The following TAFA2 variants were observed in gnomAD, a reference collection of about 807,000 sequenced individuals.
TAFA2 encodes chemokine-like protein TAFA-2.
A neutral mutation model predicts 18.8 loss-of-function variants in TAFA2; 7 were observed. That is an observed-to-expected ratio of 0.37 (90% CI 0.21 to 0.70). The LOEUF (loss-of-function observed/expected upper bound fraction) is 0.70, where lower values mean the gene tolerates loss of function less well. Among genes scored for constraint, TAFA2 ranks in the 30% least tolerant of loss-of-function variants. The pLI is 0.53. For synonymous variants in TAFA2, 60 were observed against 54.2 expected, an observed-to-expected ratio of 1.11 and a Z score of -0.47; for missense variants, 122 against 158.1, an observed-to-expected ratio of 0.77 and a Z score of 1.23.
At chr12:62,068,005 T>C (rs1245356644) in intron 1 of TAFA2, among the ~76,000 whole-genome samples, 2 of 151,812 alleles carry the variant, frequency 1.3e-5, no homozygotes, top group African/African-American at 2.4e-5. Context: ...AAAAGGAAAA[T>C]TCTTAGTGTC....
chr12:61,854,104 G>A (rs1444813352), intron 2 of TAFA2, among the ~76,000 whole-genome samples: 2 of 152,084 alleles, frequency 1.3e-5, no homozygotes, highest in Non-Finnish European at 2.9e-5. Flanking sequence ...ATTATTTGAG[G>A]AAAGCTTCTA....
In TAFA2 at chr12:61,754,950, G is replaced by A. The variant is rs373017782; in HGVS notation, c.181C>T (p.Arg61Trp). The A allele has an allele frequency of 8.1e-6, 13 of 1,612,868 alleles. No homozygotes were observed. Among genetic ancestry groups the A allele is most frequent in the East Asian group, 4.5e-5 (2 of 44,726 alleles). ...RCCNKNKIEERSQTVKCSCFP... is the reference protein window; with the variant it reads ...RCCNKNKIEEWSQTVKCSCFP... Reference sequence around the variant, plus strand: ...CAGGAGCACTTGACTGTTTGTGACCGTTCTTCTATCTTGTTCTTATTACAG... The same window carrying A: ...CAGGAGCACTTGACTGTTTGTGACCATTCTTCTATCTTGTTCTTATTACAG... The change falls in exon 3 of 5, where the codon CGG becomes TGG. Residue 61 changes from arginine (R) to tryptophan (W), a missense_variant. Arg to Trp is a moderately radical substitution (Grantham distance 101, BLOSUM62 -3). Around this residue, in one of 2 missense-constraint regions of TAFA2, gnomAD observed 60 missense variants for 102.7 expected, o/e 0.58. Coordinates refer to ENST00000416284, the MANE Select transcript of TAFA2 (RefSeq NM_178539.5).
intron 2 of TAFA2, among the ~76,000 whole-genome samples, chr12:61,784,297 T>C (rs536637565): frequency 6.6e-6 from 1 of 151,416 alleles, no homozygotes; most frequent in South Asian, 2.1e-4. Flanking sequence ...GTCTGAGAAG[T>C]TGTTTTATTG....
At chr12:61,794,130 A>C (rs903199770) in intron 2 of TAFA2, among the ~76,000 whole-genome samples, 7 of 151,912 alleles carry the variant, frequency 4.6e-5, no homozygotes, top group Non-Finnish European at 1.0e-4. Flanking sequence ...TTTTTTCTAA[A>C]ATCAGGAACA....
At chr12:62,152,399 C>T (rs1454644289) in intron 1 of TAFA2, among the ~76,000 whole-genome samples, 2 of 152,152 alleles carry the variant, frequency 1.3e-5, no homozygotes, top group Admixed American at 6.5e-5. Context: ...CCAAATGACA[C>T]CACGAAAATG....
chr12:61,848,330 A>C (rs1390370529), intron 2 of TAFA2, among the ~76,000 whole-genome samples: 2 of 152,222 alleles, frequency 1.3e-5, no homozygotes, highest in African/African-American at 4.8e-5. Context: ...ATTTTAAATA[A>C]TGTGCTCACT....
chr12:61,922,853 A>T (rs1196271408), intron 1 of TAFA2, among the ~76,000 whole-genome samples: 1 of 152,148 alleles, frequency 6.6e-6, no homozygotes, highest in Non-Finnish European at 1.5e-5. Context: ...CTGGCTTGAA[A>T]TTCTCGCTGC....
chr12:62,182,333 C>G (rs893942860), intron 1 of TAFA2, among the ~76,000 whole-genome samples: 9 of 152,116 alleles, frequency 5.9e-5, no homozygotes, highest in African/African-American at 1.7e-4. Flanking sequence ...TATGAAAGAG[C>G]CTATGAGAAA....
Position 62,082,904 on chromosome 12 carries a change from T to G in TAFA2, c.-2+108355A>C, listed in dbSNP as rs1334509216. Among the ~76,000 whole-genome samples, 10 of 152,344 alleles carry G rather than the reference T, an allele frequency of 6.6e-5. No homozygotes were observed. In the East Asian group the frequency reaches 1.9e-3, roughly 29 times the overall value. ...CACAAGATATACTATTAATCTGCATTGCTCTACAGTGATTTTTTTTCCATT... is the reference window on the plus strand; with the variant it reads ...CACAAGATATACTATTAATCTGCATGGCTCTACAGTGATTTTTTTTCCATT... On this transcript the variant is annotated intron_variant, in intron 1 of 4. Coordinates refer to ENST00000416284, the MANE Select transcript of TAFA2 (RefSeq NM_178539.5).
chr12:61,805,421 A>G (rs1871570426), intron 2 of TAFA2, among the ~76,000 whole-genome samples: 1 of 152,106 alleles, frequency 6.6e-6, no homozygotes, highest in Non-Finnish European at 1.5e-5. Flanking sequence ...ATCATGCCAT[A>G]CTATATTTAC....
intron 1 of TAFA2, among the ~76,000 whole-genome samples, chr12:62,106,919 G>A (rs1000339570): frequency 6.6e-6 from 1 of 151,934 alleles, no homozygotes; most frequent in Admixed American, 6.6e-5. Context: ...CACAGTCTTC[G>A]AAGAAATGAC....
At chr12:61,826,893 G>A (rs1051218324) in intron 2 of TAFA2, among the ~76,000 whole-genome samples, 1 of 151,888 alleles carries the variant, frequency 6.6e-6, no homozygotes, top group Non-Finnish European at 1.5e-5. Flanking sequence ...AATTTCTAGA[G>A]GCAATATTTC....
In TAFA2 at chr12:61,833,391, A is replaced by G. The variant is rs149489853; in HGVS notation, c.106+33929T>C. ...TAGAGTCAACTAACAAAGCCCCAAG[A>G]TCACTTATAGAGTAGCCCCAAACTA... On this transcript the variant is annotated intron_variant, in intron 2 of 4. Transcript: ENST00000416284. Among the ~76,000 whole-genome samples the G allele has an allele frequency of 2.5e-3, 382 of 151,926 alleles. 1 individual carries two copies. The highest frequency in any genetic ancestry group is 4.6e-3 in the Non-Finnish European group (310 of 67,928).
intron 1 of TAFA2, among the ~76,000 whole-genome samples, chr12:62,213,876 T>TC (rs1264130584): frequency 3.9e-5 from 6 of 152,172 alleles, no homozygotes. Context: ...ACTCAGAATG[T>TC]CCCCATCCTA....
chr12:62,103,998 G>T (rs1296721266), intron 1 of TAFA2, among the ~76,000 whole-genome samples: 1 of 152,088 alleles, frequency 6.6e-6, no homozygotes, highest in Non-Finnish European at 1.5e-5. Flanking sequence ...TTAGACTTCT[G>T]CAATTCCACA....
chr12:61,732,236 A>G (rs1244896522), intron 4 of TAFA2, among the ~76,000 whole-genome samples: 1 of 152,130 alleles, frequency 6.6e-6, no homozygotes, highest in African/African-American at 2.4e-5. Context: ...AGAATATCTG[A>G]GATGAAAAAA....
At chr12:62,176,986 T>C (rs2062518419) in intron 1 of TAFA2, among the ~76,000 whole-genome samples, 1 of 152,208 alleles carries the variant, frequency 6.6e-6, no homozygotes. Context: ...GCTTATAAAA[T>C]AGGAAGGACA....
intron 1 of TAFA2, chr12:61,880,009 AGAG>A (rs1875047084): frequency 2.6e-6 from 2 of 764,958 alleles, no homozygotes; most frequent in African/African-American, 1.7e-5. Flanking sequence ...AGCTGCATGA[AGAG>A]GAGATCTGGG....
At chr12:61,922,820 G>A (rs1303944323) in intron 1 of TAFA2, among the ~76,000 whole-genome samples, 1 of 152,174 alleles carries the variant, frequency 6.6e-6, no homozygotes, top group African/African-American at 2.4e-5. Context: ...CCACCCCCAT[G>A]GAGCCCAGCA....
Sources: gnomAD v4.1 joint callset for allele counts (sites outside exome capture counted in the v4.1 genomes callset) on GRCh38, gnomAD v4.1.1 for gene constraint, gnomAD v4.1.1 regional missense constraint, MANE v1.5 for transcripts, NCBI Gene and HGNC (gene_info 2026-07-23, HGNC 2026-07-21) for gene names.